Variants in GALNT14 observed in about 807,000 individuals in gnomAD.
GALNT14 encodes UDP-GalNAc:polypeptide N-acetylgalactosaminyltransferase 14.
Under a neutral mutation model 77.5 loss-of-function variants are expected in GALNT14, and 60 were observed. The ratio of observed to expected loss-of-function variants is 0.77; its 90% CI spans 0.63 to 0.96. The LOEUF is 0.96. Ranked by LOEUF, GALNT14 falls within the 40% of genes least tolerant of loss-of-function variation. GALNT14 has a pLI of 0.00. For missense variants in GALNT14, 710 were observed against 731.0 expected, an observed-to-expected ratio of 0.97 and a Z score of 0.33; for synonymous variants, 280 against 281.7, an observed-to-expected ratio of 0.99 and a Z score of 0.06.
In GALNT14 at chr2:30,910,611, TA is replaced by T. The variant is rs781219963; in HGVS notation, c.*289del. The T allele has an allele frequency of 9.4e-6, 3 of 318,684 alleles. No homozygotes were observed. The highest frequency in any genetic ancestry group is 1.7e-5 in the Non-Finnish European group (3 of 175,040). The allele number at this position is 318,684 out of a possible 1,614,324, so 19.7% of individuals were successfully genotyped here. On this transcript the variant is annotated 3_prime_UTR_variant, in exon 15 of 15. Coordinates refer to ENST00000349752, the MANE Select transcript of GALNT14 (RefSeq NM_024572.4). ...GCTTCCTTTGTAGGAAAAGGAACAA[TA>T]AACACTTCCCATTAGGTTTCTGTCT...
chr2:30,942,687 C>G (rs1666451045), intron 8 of GALNT14, among the ~76,000 whole-genome samples: 1 of 152,192 alleles, frequency 6.6e-6, no homozygotes, highest in Non-Finnish European at 1.5e-5. Flanking sequence ...CTTGGGAGCT[C>G]TGTTACTGGG....
chr2:30,942,675 C>T (rs909202793), intron 8 of GALNT14, among the ~76,000 whole-genome samples: 2 of 152,180 alleles, frequency 1.3e-5, no homozygotes, highest in African/African-American at 4.8e-5. Context: ...CAGCAGGGCT[C>T]TCTTGGGAGC....
At chr2:31,052,971 A>G (rs1414578618) in intron 1 of GALNT14, among the ~76,000 whole-genome samples, 1 of 152,050 alleles carries the variant, frequency 6.6e-6, no homozygotes, top group African/African-American at 2.4e-5. Context: ...CTTGCTTGTC[A>G]CCAGCCTCTG....
chr2:31,137,582 C>G (rs1015081996), intron 1 of GALNT14, among the ~76,000 whole-genome samples: 8 of 152,104 alleles, frequency 5.3e-5, no homozygotes, highest in Admixed American at 1.3e-4. Flanking sequence ...ACACTTCGCC[C>G]GGGCGCTGGC....
intron 1 of GALNT14, among the ~76,000 whole-genome samples, chr2:31,115,578 C>G (rs1245709651): frequency 6.6e-6 from 1 of 152,024 alleles, no homozygotes; most frequent in Non-Finnish European, 1.5e-5. Flanking sequence ...ATAAGAATAC[C>G]TGAAAAAGAG....
downstream of GALNT14, among the ~76,000 whole-genome samples, chr2:30,905,882 C>A (rs1333165075): frequency 6.6e-6 from 1 of 152,030 alleles, no homozygotes; most frequent in Non-Finnish European, 1.5e-5. Context: ...ACCCTACAAG[C>A]CAGAAGAGAG....
At chr2:31,046,394 T>A (rs113597742) in intron 1 of GALNT14, among the ~76,000 whole-genome samples, 3 of 151,992 alleles carry the variant, frequency 2.0e-5, no homozygotes, top group African/African-American at 7.2e-5. Context: ...GCCCAGCTAA[T>A]TTTTTTTGTA....
the GALNT14 span, among the ~76,000 whole-genome samples, chr2:30,894,209 C>T: frequency 6.6e-6 from 1 of 152,172 alleles, no homozygotes; most frequent in African/African-American, 2.4e-5. Context: ...CCTCTCACAG[C>T]AGTTACAGGC....
chr2:30,925,206 G>A (rs1249679030), intron 11 of GALNT14, among the ~76,000 whole-genome samples: 2 of 152,186 alleles, frequency 1.3e-5, no homozygotes, highest in Non-Finnish European at 2.9e-5. Context: ...TTCTGCAGCC[G>A]AAACACCACT....
chr2:30,911,904 G>T (rs1358421433), intron 14 of GALNT14, among the ~76,000 whole-genome samples: 1 of 152,194 alleles, frequency 6.6e-6, no homozygotes, highest in East Asian at 1.9e-4. Context: ...GCTCATCCTT[G>T]TGACCCTGAG....
chr2:31,052,373 G>C (rs571097851), intron 1 of GALNT14, among the ~76,000 whole-genome samples: 1 of 152,308 alleles, frequency 6.6e-6, no homozygotes, highest in East Asian at 1.9e-4. Context: ...ACAGCAGAGA[G>C]GTCACATCCT....
At chr2:31,037,052 C>T (rs4952031) in intron 1 of GALNT14, among the ~76,000 whole-genome samples, 1 of 151,836 alleles carries the variant, frequency 6.6e-6, no homozygotes, top group African/African-American at 2.4e-5. Flanking sequence ...GAGTGTTTGG[C>T]TATTATTTCT....
intron 1 of GALNT14, among the ~76,000 whole-genome samples, chr2:31,041,944 G>C (rs901441266): frequency 6.6e-6 from 1 of 152,284 alleles, no homozygotes; most frequent in Non-Finnish European, 1.5e-5. Context: ...TTTCAGGCCT[G>C]GGTAAAACAG....
intron 1 of GALNT14, among the ~76,000 whole-genome samples, chr2:31,039,887 G>A (rs1251453288): frequency 6.6e-6 from 1 of 152,164 alleles, no homozygotes; most frequent in Admixed American, 6.5e-5. Context: ...CATGAGAAAT[G>A]TATTCAGAGC....
chr2:30,967,734 C>T (rs1018095863), intron 2 of GALNT14, among the ~76,000 whole-genome samples: 1 of 152,180 alleles, frequency 6.6e-6, no homozygotes, highest in Admixed American at 6.5e-5. Context: ...CCTGACCCAT[C>T]TTTCTGCCTT....
chr2:30,888,699 T>C, the GALNT14 span, among the ~76,000 whole-genome samples: 1 of 152,054 alleles, frequency 6.6e-6, no homozygotes, highest in Admixed American at 6.5e-5. Flanking sequence ...TTCCTACCAA[T>C]GGCCATTGGC....
intron 2 of GALNT14, among the ~76,000 whole-genome samples, chr2:30,982,859 G>A (rs924294839): frequency 2.0e-5 from 3 of 152,146 alleles, no homozygotes; most frequent in African/African-American, 7.2e-5. Context: ...TGGTGTTGCG[G>A]CAGATTTTGG....
At chr2:31,109,076 T>C (rs576863852) in intron 1 of GALNT14, among the ~76,000 whole-genome samples, 3 of 152,316 alleles carry the variant, frequency 2.0e-5, no homozygotes, top group Admixed American at 6.5e-5. Context: ...ACAGCTGTTA[T>C]CTCATTCCCA....
chr2:30,951,501 T>C (rs1667026014), intron 6 of GALNT14, among the ~76,000 whole-genome samples: 1 of 152,198 alleles, frequency 6.6e-6, no homozygotes, highest in Non-Finnish European at 1.5e-5. Flanking sequence ...TAAAAACTTT[T>C]CCTTTTGGGG....
Sources: gnomAD v4.1 joint callset for allele counts (sites outside exome capture counted in the v4.1 genomes callset) on GRCh38, gnomAD v4.1.1 for gene constraint, MANE v1.5 for transcripts, NCBI Gene and HGNC (gene_info 2026-07-23, HGNC 2026-07-21) for gene names.